Variants in TMEM138 observed in about 807,000 individuals in gnomAD.
TMEM138 encodes transmembrane protein 138.
In TMEM138, 9 loss-of-function variants were observed where a neutral mutation model predicts 18.1. That is an observed-to-expected ratio of 0.50 (90% CI 0.30 to 0.87). The LOEUF is 0.87. Ranked by LOEUF, TMEM138 falls within the 40% of genes least tolerant of loss-of-function variation. The pLI is 0.06. For missense variants in TMEM138, 189 were observed against 190.6 expected, an observed-to-expected ratio of 0.99 and a Z score of 0.05; for synonymous variants, 79 against 74.8, an observed-to-expected ratio of 1.06 and a Z score of -0.29.
At chr11:61,369,687 G>C (rs1439761300), downstream of TMEM138, among the ~76,000 whole-genome samples, 1 of 152,208 alleles carries the variant, frequency 6.6e-6, no homozygotes, top group Non-Finnish European at 1.5e-5. Flanking sequence ...GTGTCTGTCA[G>C]CTGCAGGTCA....
At chr11:61,364,231 C>G in intron 1 of TMEM138, 21 bp from the exon 2 acceptor site, 3 of 769,648 alleles carry the variant, frequency 3.9e-6, no homozygotes, top group Non-Finnish European at 6.2e-6. Flanking sequence ...TCTAACCTTG[C>G]TTATCTTTTT....
intron 2 of TMEM138, chr11:61,364,729 A>G: frequency 2.0e-6 from 1 of 511,252 alleles, no homozygotes; most frequent in South Asian, 3.0e-5. Flanking sequence ...GTCTCTACCT[A>G]CTAAAAATTT....
At chr11:61,366,288 AG>A in intron 3 of TMEM138, 72 bp downstream of exon 3, 1 of 1,514,098 alleles carries the variant, frequency 6.6e-7, no homozygotes, top group Non-Finnish European at 8.9e-7. Flanking sequence ...TTTGTTACCA[AG>A]GCTGGTCTCA....
downstream of TMEM138, among the ~76,000 whole-genome samples, chr11:61,369,958 G>A (rs1218501170): frequency 6.6e-6 from 1 of 152,164 alleles, no homozygotes; most frequent in Non-Finnish European, 1.5e-5. Flanking sequence ...AGTGGCAAAC[G>A]GTTACCAACC....
At chr11:61,372,750 C>A (rs1858377227), downstream of TMEM138, among the ~76,000 whole-genome samples, 1 of 151,686 alleles carries the variant, frequency 6.6e-6, no homozygotes, top group African/African-American at 2.4e-5. Context: ...CACACCGTTG[C>A]ACTCCAGTGT....
At chr11:61,362,713 C>T (rs1394132846) in intron 1 of TMEM138, 2 of 152,104 alleles carry the variant, frequency 1.3e-5, no homozygotes, top group African/African-American at 2.4e-5. Context: ...TCAAAACAGC[C>T]CTGGATGGTG....
chr11:61,374,438 A>G (rs1858409292), downstream of TMEM138, among the ~76,000 whole-genome samples: 1 of 152,172 alleles, frequency 6.6e-6, no homozygotes, highest in Admixed American at 6.6e-5. Flanking sequence ...GGTACGAGCC[A>G]CTGCCACTGG....
chr11:61,364,724 T>G, intron 2 of TMEM138: 1 of 536,774 alleles, frequency 1.9e-6, no homozygotes, highest in Non-Finnish European at 3.1e-6. Flanking sequence ...ACCCTGTCTC[T>G]ACCTACTAAA....
chr11:61,376,095 TC>T (rs1858431276), downstream of TMEM138, among the ~76,000 whole-genome samples: 1 of 152,208 alleles, frequency 6.6e-6, no homozygotes, highest in African/African-American at 2.4e-5. Context: ...ATGCCTATAA[TC>T]CTAGCACTTT....
At position 61,366,200 on chromosome 11, in the gene TMEM138, T is replaced by C; in HGVS notation, c.284T>C (p.Leu95Pro). Reference sequence around the variant, plus strand: ...GTGTACTTTGCCCTCAGCATCTCCCTTCATGTCTGGGTCATGGTAAGAGTG... The same window carrying C: ...GTGTACTTTGCCCTCAGCATCTCCCCTCATGTCTGGGTCATGGTAAGAGTG... ...TAVYFALSIS[L>P]HVWVMNLRWK... Residue 95 changes from leucine to proline, a missense_variant, in exon 3 of 5, where the codon CTT becomes CCT. Coordinates refer to ENST00000278826, the MANE Select transcript of TMEM138 (RefSeq NM_016464.5). 5 of 1,613,552 alleles carry C rather than the reference T, an allele frequency of 3.1e-6. No individual in the cohort carries two copies. The highest frequency in any genetic ancestry group is 4.2e-6 in the Non-Finnish European group (5 of 1,179,824).
downstream of TMEM138, among the ~76,000 whole-genome samples, chr11:61,372,799 GAA>G (rs779573274): frequency 6.6e-5 from 10 of 151,516 alleles, no homozygotes; most frequent in East Asian, 7.8e-4. Context: ...AAAAAAGAAA[GAA>G]AGAGGGATTG....
chr11:61,366,471 C>CT lies in TMEM138; in HGVS notation c.300+270dup, dbSNP rs879154161. The stretch of plus-strand genomic sequence containing the variant: ...AATAACTTTTCTTTTCTTTTCTTTT[C>CT]TTTTTTTTTTTTTTTGAGACAGAGT... On this transcript the variant is annotated intron_variant, in intron 3 of 4. Transcript: ENST00000278826. 17,037 of 260,764 alleles carry CT rather than the reference C, an allele frequency of 0.065. 6 individuals are homozygous for CT. The highest frequency in any genetic ancestry group is 0.11 in the South Asian group (1,932 of 16,886). 16.2% of individuals were successfully genotyped at this position (260,764 alleles called of 1,614,324 possible).
intron 2 of TMEM138, chr11:61,365,773 G>A: frequency 6.2e-6 from 2 of 320,500 alleles, no homozygotes; most frequent in Non-Finnish European, 1.1e-5. Context: ...ACTATGTATG[G>A]AAGAAATTTT....
chr11:61,366,270 G>A lies in TMEM138; in HGVS notation c.300+54G>A, dbSNP rs773533893. 8 of 1,561,832 alleles carry A rather than the reference G, an allele frequency of 5.1e-6. No homozygotes were observed. The African/African-American group carries it at 7.1e-5, about 14-fold the overall frequency. On this transcript the variant is annotated intron_variant, in intron 3 of 4. Coordinates refer to ENST00000278826, the MANE Select transcript of TMEM138 (RefSeq NM_016464.5). ...TAATTTTTATTTTAAATAGAGGTGG[G>A]GTCTTACTTTGTTACCAAGGCTGGT...
At chr11:61,366,491 C>CA in intron 3 of TMEM138, 1 of 292,726 alleles carries the variant, frequency 3.4e-6, no homozygotes, top group Non-Finnish European at 6.3e-6. Flanking sequence ...TTTTTTGAGA[C>CA]AGAGTCTCGC....
In TMEM138 at chr11:61,366,057, T is replaced by C. The variant is rs780656407; in HGVS notation, c.141T>C (p.Ile47=). 6.2e-7 allele frequency: 1 copy of C among 1,613,680 alleles called. No homozygotes were observed. The highest frequency in any genetic ancestry group is 1.1e-5 in the South Asian group (1 of 90,970). ...TTTATGTCTACAGCATCCAGGATATTGCAGTCCTCTTCAACATCATCATCA... is the reference window on the plus strand; with the variant it reads ...TTTATGTCTACAGCATCCAGGATATCGCAGTCCTCTTCAACATCATCATCA... ...IQLVLFIIQD[I]AVLFNIIIIF... is the part of the protein sequence containing the mutation. The change falls in exon 3 of 5, where the codon ATT becomes ATC. Residue 47 remains isoleucine, a synonymous_variant. Transcript: ENST00000278826.
At chr11:61,371,743 G>A (rs1858349427), downstream of TMEM138, among the ~76,000 whole-genome samples, 1 of 152,190 alleles carries the variant, frequency 6.6e-6, no homozygotes, top group Admixed American at 6.6e-5. Flanking sequence ...TATTTTAGGG[G>A]GACAGAAGTT....
At chr11:61,372,005 G>T (rs1285828602), downstream of TMEM138, among the ~76,000 whole-genome samples, 1 of 151,892 alleles carries the variant, frequency 6.6e-6, no homozygotes. Flanking sequence ...GTGAAACCCT[G>T]TCTCTGCTAA....
At chr11:61,373,522 T>C (rs1858392876), downstream of TMEM138, among the ~76,000 whole-genome samples, 1 of 152,140 alleles carries the variant, frequency 6.6e-6, no homozygotes, top group Non-Finnish European at 1.5e-5. Context: ...TTTTTTTTTT[T>C]TGAAATCCTT....
Sources: gnomAD v4.1 joint callset for allele counts (sites outside exome capture counted in the v4.1 genomes callset) on GRCh38, gnomAD v4.1.1 for gene constraint, MANE v1.5 for transcripts, NCBI Gene and HGNC (gene_info 2026-07-23, HGNC 2026-07-21) for gene names.